Variants in PDE11A observed in about 807,000 individuals in gnomAD.
The protein encoded by PDE11A is dual 3',5'-cyclic-AMP and -GMP phosphodiesterase 11A.
A neutral mutation model predicts 100.5 loss-of-function variants in PDE11A; 100 were observed. The ratio of observed to expected loss-of-function variants is 1.00; its 90% confidence interval spans 0.85 to 1.18. The LOEUF (loss-of-function observed/expected upper bound fraction) is 1.18, where lower values mean the gene tolerates loss of function less well. Among genes scored for constraint, PDE11A ranks in the 50% most tolerant of loss-of-function variants. PDE11A has a pLI of 0.00. For synonymous variants in PDE11A, 381 were observed against 420.8 expected (o/e 0.91, Z 1.16); for missense variants, 1,141 against 1,152.6 (o/e 0.99, Z 0.15).
At chr2:177,947,368 G>C (rs956530638) in intron 2 of PDE11A, among the ~76,000 whole-genome samples, 5 of 151,744 alleles carry the variant, frequency 3.3e-5, no homozygotes, top group South Asian at 2.1e-4. Context: ...GATGGTTGCC[G>C]TGTCTGTGTA....
intron 5 of PDE11A, among the ~76,000 whole-genome samples, chr2:177,860,777 G>C (rs539562427): frequency 3.3e-4 from 50 of 151,486 alleles, no homozygotes; most frequent in Non-Finnish European, 6.2e-4. Context: ...TGTAAGATTG[G>C]ATTATCATCC....
intron 1 of PDE11A, among the ~76,000 whole-genome samples, chr2:178,017,397 A>G (rs1389265733): frequency 6.6e-6 from 1 of 152,254 alleles, no homozygotes; most frequent in Non-Finnish European, 1.5e-5. Context: ...AGCTACCTGT[A>G]TCAACATGAA....
At chr2:178,037,164 A>G (rs2086624668) in intron 1 of PDE11A, among the ~76,000 whole-genome samples, 1 of 152,208 alleles carries the variant, frequency 6.6e-6, no homozygotes, top group Non-Finnish European at 1.5e-5. Flanking sequence ...AGGAACTTAA[A>G]CAAATTTACA....
intron 2 of PDE11A, among the ~76,000 whole-genome samples, chr2:178,088,981 G>A (rs1037729066): frequency 5.9e-5 from 9 of 152,148 alleles, no homozygotes; most frequent in African/African-American, 2.2e-4. Flanking sequence ...AATTTAGATG[G>A]AAGTGCACTC....
chr2:177,954,260 TG>T (rs952258731), intron 2 of PDE11A, among the ~76,000 whole-genome samples: 11 of 151,932 alleles, frequency 7.2e-5, no homozygotes, highest in Non-Finnish European at 1.6e-4. Context: ...GTACTTCTAA[TG>T]GGGGGGAAAT....
intron 6 of PDE11A, among the ~76,000 whole-genome samples, chr2:177,836,919 A>T (rs2083411184): frequency 6.6e-6 from 1 of 152,050 alleles, no homozygotes. Context: ...GAAGGAACAA[A>T]CTCCGGACAC....
intron 13 of PDE11A, 115 bp downstream of exon 13, chr2:177,711,654 G>A: frequency 4.2e-6 from 3 of 719,268 alleles, no homozygotes; most frequent in Non-Finnish European, 5.1e-6. Flanking sequence ...GCCCAAGCCT[G>A]CATGGCCTTG....
chr2:178,088,557 T>C (rs2087385732), intron 2 of PDE11A, among the ~76,000 whole-genome samples: 1 of 152,200 alleles, frequency 6.6e-6, no homozygotes, highest in Admixed American at 6.5e-5. Flanking sequence ...ACACAAATAA[T>C]TGCCAAGTTA....
chr2:177,763,348 T>G (rs2082195400), intron 10 of PDE11A, among the ~76,000 whole-genome samples: 1 of 152,230 alleles, frequency 6.6e-6, no homozygotes, highest in Admixed American at 6.5e-5. Context: ...AGGTAACGAA[T>G]TCCTTCTATA....
At chr2:177,984,294 G>A (rs957632731) in intron 2 of PDE11A, among the ~76,000 whole-genome samples, 2 of 152,006 alleles carry the variant, frequency 1.3e-5, no homozygotes, top group Non-Finnish European at 2.9e-5. Flanking sequence ...GTAGCAACAG[G>A]GTAAGGGAAA....
At chr2:178,102,746 TA>T (rs2087575076) in intron 2 of PDE11A, among the ~76,000 whole-genome samples, 1 of 152,142 alleles carries the variant, frequency 6.6e-6, no homozygotes, top group African/African-American at 2.4e-5. Flanking sequence ...ATTTTATATG[TA>T]AAAGTAGTCC....
intron 5 of PDE11A, among the ~76,000 whole-genome samples, chr2:177,853,443 G>A (rs116189739): frequency 1.6e-3 from 242 of 151,012 alleles, no homozygotes; most frequent in African/African-American, 4.8e-3. Flanking sequence ...TGTTTTTGAC[G>A]GTGGCATCAT....
In PDE11A at chr2:177,711,806, G is replaced by A; in HGVS notation, c.2116C>T (p.Leu706Phe). Reference sequence around the variant, plus strand: ...GCATTGTTGGTTCCCCTGTGGTCGAGGTCATGACACAGGCATCCCACAATC... The same window carrying A: ...GCATTGTTGGTTCCCCTGTGGTCGAAGTCATGACACAGGCATCCCACAATC... ...AVIVGCLCHD[L>F]DHRGTNNAFQ... The change falls in exon 13 of 20, where the codon CTC (leucine) becomes TTC (phenylalanine). Residue 706 changes from leucine to phenylalanine, a missense_variant. Transcript: ENST00000286063. 1 of 1,609,444 alleles carries A rather than the reference G, an allele frequency of 6.2e-7. No individual in the cohort carries two copies. The highest frequency in any genetic ancestry group is 1.1e-5 in the South Asian group (1 of 90,984).
At chr2:177,931,995 C>T (rs184276688) in intron 2 of PDE11A, among the ~76,000 whole-genome samples, 18 of 151,392 alleles carry the variant, frequency 1.2e-4, no homozygotes, top group Non-Finnish European at 2.2e-4. Context: ...ACAACTGATC[C>T]CACAGAAATA....
At chr2:177,654,096 A>G (rs1264175027) in intron 19 of PDE11A, among the ~76,000 whole-genome samples, 1 of 152,254 alleles carries the variant, frequency 6.6e-6, no homozygotes, top group East Asian at 1.9e-4. Context: ...GCTTAATACT[A>G]TTAAATAAGT....
At chr2:177,847,990 T>TTGTG (rs749800668) in intron 5 of PDE11A, among the ~76,000 whole-genome samples, 2,240 of 147,898 alleles carry the variant, frequency 0.015, 58 homozygotes, top group African/African-American at 0.05. Flanking sequence ...AATGGTGTGT[T>TTGTG]TGTGTGTGTG....
At chr2:177,656,641 A>G (rs2080389094) in intron 19 of PDE11A, among the ~76,000 whole-genome samples, 1 of 152,258 alleles carries the variant, frequency 6.6e-6, no homozygotes, top group Non-Finnish European at 1.5e-5. Context: ...GCACTGTGCT[A>G]GGTGCCAGGA....
intron 2 of PDE11A, among the ~76,000 whole-genome samples, chr2:177,908,720 T>G (rs995803858): frequency 3.3e-5 from 5 of 152,144 alleles, no homozygotes; most frequent in Admixed American, 1.3e-4. Flanking sequence ...GTTCCACACA[T>G]GGCTAGAGAG....
chr2:177,698,348 T>C (rs1447265847), intron 14 of PDE11A: 2 of 66,680 alleles, frequency 3.0e-5, no homozygotes, highest in Non-Finnish European at 1.0e-4. Flanking sequence ...TATTTGTCTT[T>C]AGTAAAGTGA....
Sources: gnomAD v4.1 joint callset for allele counts (sites outside exome capture counted in the v4.1 genomes callset) on GRCh38, gnomAD v4.1.1 for gene constraint, MANE v1.5 for transcripts, NCBI Gene and HGNC (gene_info 2026-07-23, HGNC 2026-07-21) for gene names.